The following NFIC variants were observed in gnomAD, a reference collection of about 807,000 sequenced individuals.
NFIC encodes the protein nuclear factor I C.
NFIC carries 12 observed loss-of-function variants against 54.4 expected under a neutral mutation model. The ratio of observed to expected loss-of-function variants is 0.22; its 90% CI spans 0.14 to 0.36. The LOEUF is 0.36. Among genes scored for constraint, NFIC ranks in the 10% least tolerant of loss-of-function variants. The pLI is 1.00. For synonymous variants in NFIC, 322 were observed against 319.2 expected (o/e 1.01, Z -0.09); for missense variants, 575 against 718.2 (o/e 0.80, Z 2.28).
At chr19:3,364,433 C>T (rs1271542993), upstream of NFIC, among the ~76,000 whole-genome samples, 1 of 152,152 alleles carries the variant, frequency 6.6e-6, no homozygotes, top group Non-Finnish European at 1.5e-5. Context: ...ACCCAAGCAG[C>T]GAGCCCACGC....
chr19:3,362,187 T>C (rs558577695), upstream of NFIC, among the ~76,000 whole-genome samples: 1 of 152,270 alleles, frequency 6.6e-6, no homozygotes, highest in East Asian at 1.9e-4. Flanking sequence ...TGTGTGTGCC[T>C]GTATGGGAAT....
chr19:3,456,706 C>A, intron 10 of NFIC, 71 bp downstream of exon 10: 1 of 1,309,936 alleles, frequency 7.6e-7, no homozygotes, highest in Non-Finnish European at 1.1e-6. Context: ...GGGCTCAGGG[C>A]GAAGAGGGCC....
At chr19:3,417,704 C>T (rs2081885844) in intron 2 of NFIC, among the ~76,000 whole-genome samples, 1 of 149,090 alleles carries the variant, frequency 6.7e-6, no homozygotes, top group Non-Finnish European at 1.5e-5. Context: ...CGGCTCACTG[C>T]AACCTCTGCC....
chr19:3,405,631 C>T (rs1182137900), intron 2 of NFIC, among the ~76,000 whole-genome samples: 2 of 151,960 alleles, frequency 1.3e-5, no homozygotes, highest in African/African-American at 4.8e-5. Flanking sequence ...TGGAGTTTCA[C>T]TCTTGTTGCC....
intron 2 of NFIC, among the ~76,000 whole-genome samples, chr19:3,405,953 C>T (rs2081642899): frequency 1.3e-5 from 2 of 151,776 alleles, no homozygotes; most frequent in South Asian, 4.2e-4. Flanking sequence ...AGTCCTCCTG[C>T]TCTGTCACCC....
At position 3,453,918 on chromosome 19, in the gene NFIC, T is replaced by C; in HGVS notation, c.1423+2T>C. 1 of 1,533,514 alleles carries C rather than the reference T, an allele frequency of 6.5e-7. No individual in the cohort carries two copies. The highest frequency in any genetic ancestry group is 8.8e-7 in the Non-Finnish European group (1 of 1,141,340). 95.0% of individuals were successfully genotyped at this position (1,533,514 alleles called of 1,614,324 possible). A position where few individuals can be genotyped will look rare whatever the true frequency, so the allele number is the denominator to read the frequency against. On this transcript the variant is annotated splice_donor_variant, in intron 9 of 10. Transcript: ENST00000443272. LOFTEE classifies it high-confidence loss of function. This position sits in a 1 kb window ranked among gnomAD's most constrained non-coding sequence, Gnocchi z 6.7. ...GAGCCACGTCGCCGACCTCGCCTTG[T>C]AAGCACGCGGGAAGCGGTGCCCTGG... is the stretch of plus-strand genomic sequence containing the variant.
At chr19:3,365,226 C>T (rs114405846), upstream of NFIC, among the ~76,000 whole-genome samples, 786 of 152,290 alleles carry the variant, frequency 5.2e-3, 6 homozygotes, top group African/African-American at 0.018. Flanking sequence ...GGGGCACCTG[C>T]CCCAGCTTGG....
At chr19:3,451,962 CAA>C (rs2082470483) in intron 7 of NFIC, among the ~76,000 whole-genome samples, 1 of 151,852 alleles carries the variant, frequency 6.6e-6, no homozygotes, top group Admixed American at 6.6e-5. Flanking sequence ...ACTAAAAATA[CAA>C]AAGTTAGCCA....
At position 3,449,603 on chromosome 19, in the gene NFIC, T is replaced by C. The variant is rs140126753; in HGVS notation, c.1084+464T>C. The stretch of plus-strand genomic sequence containing the variant: ...GGTGAAACCCCATCTCTACTAAAAA[T>C]ACAAAAATTAGCCAGGCGTGGTGGC... On this transcript the variant is annotated intron_variant, in intron 7 of 10. Coordinates refer to ENST00000443272, the MANE Select transcript of NFIC (RefSeq NM_001245002.2). Among the ~76,000 whole-genome samples, 405 of 150,712 alleles carry C rather than the reference T, an allele frequency of 2.7e-3. 3 individuals are homozygous for C. Among genetic ancestry groups the C allele is most frequent in the African/African-American group, 9.4e-3 (386 of 40,880 alleles).
intron 6 of NFIC, among the ~76,000 whole-genome samples, chr19:3,437,052 C>A (rs967433463): frequency 6.6e-6 from 1 of 152,128 alleles, no homozygotes; most frequent in Non-Finnish European, 1.5e-5. Flanking sequence ...CGGGAGGTCA[C>A]TGTCATCCAC....
In NFIC at chr19:3,381,847, G is replaced by T; in HGVS notation, c.166G>T (p.Ala56Ser). Reference protein sequence around the residue: ...EKRMSKDEERAVKDELLGEKP... With the variant: ...EKRMSKDEERSVKDELLGEKP... The stretch of plus-strand genomic sequence containing the variant: ...GCGGATGTCGAAGGACGAGGAGCGT[G>T]CGGTCAAGGACGAGCTGCTGGGCGA... Residue 56 changes from alanine (A) to serine (S), a missense_variant, in exon 2 of 11, where the codon GCG (alanine) becomes TCG (serine). By Grantham distance (99) the Ala-to-Ser change is moderately conservative. Around this residue, in one of 3 missense-constraint regions of NFIC, gnomAD observed 122 missense variants for 158.0 expected, o/e 0.77. Transcript: ENST00000443272. The T allele has an allele frequency of 2.5e-6, 4 of 1,614,012 alleles. No homozygotes were observed. The highest frequency in any genetic ancestry group is 3.4e-6 in the Non-Finnish European group (4 of 1,179,962).
At chr19:3,399,393 A>T (rs1318154254) in intron 2 of NFIC, among the ~76,000 whole-genome samples, 1 of 152,036 alleles carries the variant, frequency 6.6e-6, no homozygotes, top group East Asian at 1.9e-4. Flanking sequence ...CCTGGGCAAC[A>T]TAGTGAGATG....
chr19:3,451,158 C>T (rs183490954), intron 7 of NFIC, among the ~76,000 whole-genome samples: 2 of 152,310 alleles, frequency 1.3e-5, no homozygotes, highest in East Asian at 3.9e-4. Flanking sequence ...CTGACGCAGG[C>T]CACCTTGAGG....
intron 2 of NFIC, among the ~76,000 whole-genome samples, chr19:3,383,607 CT>C (rs2081247286): frequency 6.6e-6 from 1 of 152,186 alleles, no homozygotes; most frequent in Admixed American, 6.5e-5. Flanking sequence ...GAGGTGTCAG[CT>C]GCATCCCAAG....
At chr19:3,440,133 G>A (rs900011055) in intron 6 of NFIC, among the ~76,000 whole-genome samples, 1 of 152,172 alleles carries the variant, frequency 6.6e-6, no homozygotes, top group African/African-American at 2.4e-5. Context: ...CAGGGAAGAT[G>A]ATGGGAGGGC....
In NFIC at chr19:3,382,231, G is replaced by T; in HGVS notation, c.550G>T (p.Val184Leu). The change falls in exon 2 of 11, where the codon GTG (valine) becomes TTG (leucine). Residue 184 changes from valine to leucine, a missense_variant. By Grantham distance (32) the Val-to-Leu change is conservative. Around this residue, in one of 3 missense-constraint regions of NFIC, gnomAD observed 447 missense variants for 526.9 expected, o/e 0.85. Coordinates refer to ENST00000443272, the MANE Select transcript of NFIC (RefSeq NM_001245002.2). ...KELDLYLAYFVRERDAEQSGS... is the reference protein window; with the variant it reads ...KELDLYLAYFLRERDAEQSGS... ...GCTGGACCTCTACCTGGCCTACTTCGTGCGTGAGCGAGGTGAGGTGTGGTG... is the reference window on the plus strand; with the variant it reads ...GCTGGACCTCTACCTGGCCTACTTCTTGCGTGAGCGAGGTGAGGTGTGGTG... 1 of 1,601,844 alleles carries T rather than the reference G, an allele frequency of 6.2e-7. No individual in the cohort carries two copies. Among genetic ancestry groups the T allele is most frequent in the Non-Finnish European group, 8.5e-7 (1 of 1,178,814 alleles).
chr19:3,408,114 G>A (rs989472292), intron 2 of NFIC, among the ~76,000 whole-genome samples: 7 of 152,108 alleles, frequency 4.6e-5, no homozygotes, highest in Admixed American at 2.6e-4. Flanking sequence ...TTTGGAAGCC[G>A]GCTAACGTTG....
chr19:3,455,065 A>G (rs1188125779), intron 9 of NFIC, among the ~76,000 whole-genome samples: 5 of 152,210 alleles, frequency 3.3e-5, no homozygotes, highest in Non-Finnish European at 7.3e-5. Context: ...TTCACAGGGC[A>G]GTGGGGGACA....
At chr19:3,429,876 G>A (rs1033832472) in intron 3 of NFIC, among the ~76,000 whole-genome samples, 6 of 152,224 alleles carry the variant, frequency 3.9e-5, no homozygotes, top group Non-Finnish European at 8.8e-5. Context: ...TCAGGGAGGT[G>A]ATGAAACATC....
Sources: gnomAD v4.1 joint callset for allele counts (sites outside exome capture counted in the v4.1 genomes callset) on GRCh38, gnomAD v4.1.1 for gene constraint, gnomAD v4.1.1 regional missense constraint, Gnocchi (gnomAD v3.1) non-coding constraint, MANE v1.5 for transcripts, NCBI Gene and HGNC (gene_info 2026-07-23, HGNC 2026-07-21) for gene names.